Variants in CDK20 observed in about 807,000 individuals in gnomAD.
CDK20 encodes the protein cyclin-dependent kinase 20.
In CDK20, 40 loss-of-function variants were observed where a neutral mutation model predicts 38.6. The ratio of observed to expected loss-of-function variants is 1.04; its 90% CI spans 0.81 to 1.35. CDK20 has a LOEUF of 1.35. Ranked by LOEUF, CDK20 falls within the 40% of genes most tolerant of loss-of-function variation. CDK20 has a pLI of 0.00. For missense variants in CDK20, 512 were observed against 452.6 expected (o/e 1.13, Z -1.19); for synonymous variants, 209 against 185.7 (o/e 1.13, Z -1.02).
At chr9:87,968,892 C>G (rs948964964) in intron 7 of CDK20, 4 of 405,218 alleles carry the variant, frequency 9.9e-6, no homozygotes, top group African/African-American at 7.9e-5. Flanking sequence ...GTATCTGCCA[C>G]AGGGTCAGGG....
chr9:87,969,205 C>T lies in CDK20; in HGVS notation c.832G>A (p.Ala278Thr), dbSNP rs542111446. 238 of 1,613,792 alleles carry T rather than the reference C, an allele frequency of 1.5e-4. No individual in the cohort carries two copies. The South Asian group carries it at 2.0e-3, about 13-fold the overall frequency. Reference protein sequence around the residue: ...FLLYPPHQRIAASKALLHQYF... With the variant: ...FLLYPPHQRITASKALLHQYF... Reference sequence around the variant, plus strand: ...GCCTCTCCCCCTACCTTGGAAGCTGCGATGCGCTGGTGAGGAGGGTAGAGA... The same window carrying T: ...GCCTCTCCCCCTACCTTGGAAGCTGTGATGCGCTGGTGAGGAGGGTAGAGA... The change falls in exon 7 of 8, where the codon GCA becomes ACA. Residue 278 changes from alanine to threonine, a missense_variant. Physicochemically the swap from Ala to Thr is moderately conservative, Grantham distance 58 (BLOSUM62 0). Transcript: ENST00000325303.
intron 1 of CDK20, 106 bp downstream of exon 1, chr9:87,974,265 TA>T: frequency 7.6e-7 from 1 of 1,311,014 alleles, no homozygotes; most frequent in South Asian, 1.3e-5. Context: ...GAGTAGGTTT[TA>T]AAAACTGTAC....
chr9:87,970,836 C>T lies in CDK20; in HGVS notation c.440G>A (p.Gly147Asp), dbSNP rs1275000049. Residue 147 changes from glycine to aspartate, a missense_variant, in exon 4 of 8, where the codon GGC becomes GAC. By Grantham distance (94) the Gly-to-Asp change is moderately conservative. Coordinates refer to ENST00000325303, the MANE Select transcript of CDK20 (RefSeq NM_001039803.3). ...GTCTGGGGAAAAGACTCGAGCCAGGCCAAAGTCCGCTATCTTGAGCTGGCC... is the reference window on the plus strand; with the variant it reads ...GTCTGGGGAAAAGACTCGAGCCAGGTCAAAGTCCGCTATCTTGAGCTGGCC... ...ASGQLKIADFGLARVFSPDGS... is the reference protein window; with the variant it reads ...ASGQLKIADFDLARVFSPDGS... The T allele has an allele frequency of 6.2e-7, 1 of 1,614,138 alleles. No individual in the cohort carries two copies. The highest frequency in any genetic ancestry group is 8.5e-7 in the Non-Finnish European group (1 of 1,180,026).
chr9:87,971,020 G>C, intron 3 of CDK20, 123 bp from the exon 4 acceptor site: 14 of 1,508,756 alleles, frequency 9.3e-6, no homozygotes, highest in Non-Finnish European at 1.3e-5. Flanking sequence ...GCCATGCCCT[G>C]GCCACTTACC....
At chr9:87,969,476 C>T (rs1829696422) in intron 6 of CDK20, 127 bp from the exon 7 acceptor site, 1 of 1,048,098 alleles carries the variant, frequency 9.5e-7, no homozygotes, top group African/African-American at 1.6e-5. Flanking sequence ...ATGTGTCTCC[C>T]TGACCCATCA....
At position 87,969,344 on chromosome 9, in the gene CDK20, G is replaced by A; in HGVS notation, c.693C>T (p.Leu231=). Residue 231 remains leucine (L), a synonymous_variant, in exon 7 of 8, where the codon CTC becomes CTT. Coordinates refer to ENST00000325303, the MANE Select transcript of CDK20 (RefSeq NM_001039803.3). ...GTPNPQVWPE[L]TELPDYNKIS... The stretch of plus-strand genomic sequence containing the variant: ...TCTTGTTGTAGTCCGGCAGCTCAGT[G>A]AGCTCCTGGGCCAGGGAGAAGGAAC... 1.2e-6 allele frequency: 2 copies of A among 1,613,868 alleles called. No individual in the cohort carries two copies. The highest frequency in any genetic ancestry group is 1.7e-6 in the Non-Finnish European group (2 of 1,179,926).
In CDK20 at chr9:87,969,215, G is replaced by C; in HGVS notation, c.822C>G (p.His274Gln). ...LLGQFLLYPP[H>Q]QRIAASKALL... ...CTACCTTGGAAGCTGCGATGCGCTG[G>C]TGAGGAGGGTAGAGAAGGAATTGAC... The change falls in exon 7 of 8, where the codon CAC becomes CAG. Residue 274 changes from histidine to glutamine, a missense_variant. Coordinates refer to ENST00000325303, the MANE Select transcript of CDK20 (RefSeq NM_001039803.3). 1 of 1,614,084 alleles carries C rather than the reference G, an allele frequency of 6.2e-7. No individual in the cohort carries two copies.
At chr9:87,973,758 G>A (rs938744663) in intron 2 of CDK20, among the ~76,000 whole-genome samples, 164 bp downstream of exon 2, 1 of 152,196 alleles carries the variant, frequency 6.6e-6, no homozygotes, top group Non-Finnish European at 1.5e-5. Context: ...GGACAAAAAA[G>A]GGCAAAAGGG....
At position 87,970,302 on chromosome 9, in the gene CDK20, A is replaced by T. The variant is rs374108245; in HGVS notation, c.563+266T>A. 7.8e-6 allele frequency: 4 copies of T among 511,704 alleles called. No individual in the cohort carries two copies. In the South Asian group the frequency reaches 1.4e-4, roughly 18 times the overall value. The allele number at this position is 511,704 out of a possible 1,614,324, so 31.7% of individuals were successfully genotyped here. On this transcript the variant is annotated intron_variant, in intron 5 of 7. Coordinates refer to ENST00000325303, the MANE Select transcript of CDK20 (RefSeq NM_001039803.3). The stretch of plus-strand genomic sequence containing the variant: ...ATCCTAGGATCTAACTCCAGCACAT[A>T]TCGGCTCAGACCACCTCCCCATCTA...
intron 6 of CDK20, 75 bp from the exon 7 acceptor site, chr9:87,969,424 C>T (rs1829691424): frequency 2.7e-6 from 4 of 1,494,102 alleles, no homozygotes; most frequent in Non-Finnish European, 3.7e-6. Context: ...TGTCAACTCT[C>T]AGCCCCTAAC....
At chr9:87,971,887 C>T (rs1829886862) in intron 2 of CDK20, among the ~76,000 whole-genome samples, 1 of 152,286 alleles carries the variant, frequency 6.6e-6, no homozygotes, top group East Asian at 1.9e-4. Flanking sequence ...GGGATATATT[C>T]AGATTCTGTA....
chr9:87,969,327 T>C lies in CDK20; in HGVS notation c.710A>G (p.Tyr237Cys). 2.5e-6 allele frequency: 4 copies of C among 1,613,976 alleles called. No homozygotes were observed. Among genetic ancestry groups the C allele is most frequent in the Non-Finnish European group, 3.4e-6 (4 of 1,179,932 alleles). ...CTGCTCCTTAAAGGAGATCTTGTTG[T>C]AGTCCGGCAGCTCAGTGAGCTCCTG... is the stretch of plus-strand genomic sequence containing the variant. ...VWPELTELPD[Y>C]NKISFKEQVP... is the part of the protein sequence containing the mutation. Residue 237 changes from tyrosine (Y) to cysteine (C), a missense_variant, in exon 7 of 8, where the codon TAC becomes TGC. Transcript: ENST00000325303.
At chr9:87,972,863 G>T (rs1829958051) in intron 2 of CDK20, among the ~76,000 whole-genome samples, 1 of 152,120 alleles carries the variant, frequency 6.6e-6, no homozygotes, top group South Asian at 2.1e-4. Flanking sequence ...AATCAAAATG[G>T]CCTGATTGCT....
At position 87,971,061 on chromosome 9, in the gene CDK20, C is replaced by G. The variant is rs767984302; in HGVS notation, c.378+86G>C. On this transcript the variant is annotated intron_variant, in intron 3 of 7. Coordinates refer to ENST00000325303, the MANE Select transcript of CDK20 (RefSeq NM_001039803.3). ...GCCTTGACCAGCTCTGTCCCAACTT[C>G]TTATCACACCTTTTACAAGGGCTAG... 3 of 1,521,090 alleles carry G rather than the reference C, an allele frequency of 2.0e-6. No individual in the cohort carries two copies. In the South Asian group the frequency reaches 3.7e-5, roughly 19 times the overall value. 94.2% of individuals were successfully genotyped at this position (1,521,090 alleles called of 1,614,324 possible).
intron 5 of CDK20, chr9:87,970,168 G>T: frequency 2.2e-6 from 1 of 454,446 alleles, no homozygotes; most frequent in Non-Finnish European, 3.8e-6. Context: ...CTGCAAACCT[G>T]CCCCAAATCT....
chr9:87,974,341 C>A, intron 1 of CDK20, 31 bp downstream of exon 1: 1 of 1,605,714 alleles, frequency 6.2e-7, no homozygotes. Flanking sequence ...GGCACACCCC[C>A]GCCAGGCTGC....
At chr9:87,972,543 TG>T (rs1200217875) in intron 2 of CDK20, among the ~76,000 whole-genome samples, 1 of 151,936 alleles carries the variant, frequency 6.6e-6, no homozygotes, top group African/African-American at 2.4e-5. Context: ...GGTGGGCACA[TG>T]GTGATAGTGC....
chr9:87,972,271 ACTT>A (rs1353677411), intron 2 of CDK20, among the ~76,000 whole-genome samples: 2 of 152,102 alleles, frequency 1.3e-5, no homozygotes, highest in Admixed American at 6.5e-5. Context: ...AGAAAAGGAT[ACTT>A]CTTTATTTAG....
chr9:87,968,327 C>A (rs1829576603), intron 7 of CDK20: 1 of 152,444 alleles, frequency 6.6e-6, no homozygotes, highest in South Asian at 2.1e-4. Flanking sequence ...GACCCAGATT[C>A]TGGGAGGCAA....
Sources: gnomAD v4.1 joint callset for allele counts (sites outside exome capture counted in the v4.1 genomes callset) on GRCh38, gnomAD v4.1.1 for gene constraint, MANE v1.5 for transcripts, NCBI Gene and HGNC (gene_info 2026-07-23, HGNC 2026-07-21) for gene names.